The following IQCJ variants were observed in gnomAD, a reference collection of about 807,000 sequenced individuals.
IQCJ encodes the protein IQ motif containing J.
A neutral mutation model predicts 11.0 loss-of-function variants in IQCJ; 9 were observed. That is an observed-to-expected ratio of 0.82 (90% confidence interval 0.49 to 1.43). The LOEUF (loss-of-function observed/expected upper bound fraction) is 1.43, where lower values mean the gene tolerates loss of function less well. IQCJ is among the 40% of genes most tolerant of loss of function. The pLI is 0.00. For missense variants in IQCJ, 146 were observed against 133.2 expected (o/e 1.10, Z -0.47); for synonymous variants, 55 against 51.3 (o/e 1.07, Z -0.31).
chr3:159,233,246 G>C (rs1451348905), intron 1 of IQCJ, among the ~76,000 whole-genome samples: 1 of 152,090 alleles, frequency 6.6e-6, no homozygotes, highest in Non-Finnish European at 1.5e-5. Flanking sequence ...CACAGAACTT[G>C]GTATGAAGTC....
chr3:159,123,003 G>C (rs191806244), intron 1 of IQCJ, among the ~76,000 whole-genome samples: 2 of 151,956 alleles, frequency 1.3e-5, no homozygotes, highest in African/African-American at 4.8e-5. Flanking sequence ...CATTTATCTC[G>C]GTCAGTCTTA....
intron 1 of IQCJ, among the ~76,000 whole-genome samples, chr3:159,081,714 G>A (rs374606144): frequency 2.3e-4 from 35 of 151,926 alleles, no homozygotes; most frequent in Middle Eastern, 6.8e-3. Context: ...CAGTCCTTCC[G>A]AATACGACTT....
intron 1 of IQCJ, among the ~76,000 whole-genome samples, chr3:159,198,831 A>G (rs1214081543): frequency 6.6e-6 from 1 of 152,188 alleles, no homozygotes; most frequent in East Asian, 1.9e-4. Flanking sequence ...ATTTAAGTAA[A>G]AAAAGAGAGA....
chr3:159,121,759 A>G (rs1212340204), intron 1 of IQCJ, among the ~76,000 whole-genome samples: 1 of 152,156 alleles, frequency 6.6e-6, no homozygotes, highest in Non-Finnish European at 1.5e-5. Flanking sequence ...TCAGTCTTGT[A>G]TTGGTTACCA....
At chr3:159,213,261 C>T (rs1725048326) in intron 1 of IQCJ, among the ~76,000 whole-genome samples, 1 of 152,198 alleles carries the variant, frequency 6.6e-6, no homozygotes, top group African/African-American at 2.4e-5. Flanking sequence ...ATTCATGAAG[C>T]TAATCAGAAA....
intron 1 of IQCJ, among the ~76,000 whole-genome samples, chr3:159,194,469 A>G (rs1723865830): frequency 6.6e-6 from 1 of 152,142 alleles, no homozygotes; most frequent in Non-Finnish European, 1.5e-5. Context: ...GGAGCCCAAC[A>G]CTGTTGTTCT....
At chr3:159,112,392 T>C (rs528026610) in intron 1 of IQCJ, among the ~76,000 whole-genome samples, 1 of 152,328 alleles carries the variant, frequency 6.6e-6, no homozygotes, top group South Asian at 2.1e-4. Context: ...CAATCAGTTT[T>C]CTTGAAACAC....
At chr3:159,223,052 A>G (rs1488524010) in intron 1 of IQCJ, among the ~76,000 whole-genome samples, 1 of 152,152 alleles carries the variant, frequency 6.6e-6, no homozygotes, top group East Asian at 1.9e-4. Context: ...ACTCAAGGAA[A>G]AAACATGTTT....
chr3:159,263,421 T>G lies in IQCJ; in HGVS notation c.*690T>G. 4.1e-6 allele frequency: 4 copies of G among 982,326 alleles called. No homozygotes were observed. Among genetic ancestry groups the G allele is most frequent in the Non-Finnish European group, 4.8e-6 (4 of 827,156 alleles). 60.9% of individuals were successfully genotyped at this position (982,326 alleles called of 1,614,324 possible). ...AAATCTGAGATAGAGAGTTAAGGAA[T>G]AAGGGAATCTGCTGGAAGTCTTTAT... On this transcript the variant is annotated 3_prime_UTR_variant, in exon 4 of 4. Coordinates refer to ENST00000397832, the MANE Select transcript of IQCJ (RefSeq NM_001042706.3).
At chr3:159,089,415 G>A (rs1317747977) in intron 1 of IQCJ, among the ~76,000 whole-genome samples, 2 of 151,942 alleles carry the variant, frequency 1.3e-5, no homozygotes, top group African/African-American at 2.4e-5. Flanking sequence ...TGCTCTTCTC[G>A]AGGAGTATCT....
intron 1 of IQCJ, among the ~76,000 whole-genome samples, chr3:159,157,624 T>C (rs1407626520): frequency 6.6e-6 from 1 of 152,192 alleles, no homozygotes; most frequent in East Asian, 1.9e-4. Context: ...GATACAGATA[T>C]AGGAATGTGT....
At chr3:159,163,085 A>C (rs575695088) in intron 1 of IQCJ, among the ~76,000 whole-genome samples, 9 of 152,350 alleles carry the variant, frequency 5.9e-5, no homozygotes, top group Admixed American at 2.0e-4. Context: ...AGGCCAGCAT[A>C]ATTCTGATAC....
chr3:159,131,312 C>A (rs534035272), intron 1 of IQCJ, among the ~76,000 whole-genome samples: 18 of 151,964 alleles, frequency 1.2e-4, no homozygotes, highest in Middle Eastern at 3.4e-3. Flanking sequence ...CCCCGCCTCA[C>A]CCCCACCCAA....
At chr3:159,071,523 A>T (rs1453112333) in intron 1 of IQCJ, among the ~76,000 whole-genome samples, 3 of 152,102 alleles carry the variant, frequency 2.0e-5, no homozygotes, top group African/African-American at 7.2e-5. Flanking sequence ...CATATATAGA[A>T]ATATTAATCT....
intron 1 of IQCJ, among the ~76,000 whole-genome samples, chr3:159,243,112 A>G (rs1331299945): frequency 1.3e-5 from 2 of 152,218 alleles, no homozygotes; most frequent in Non-Finnish European, 2.9e-5. Context: ...GTGGGAATGT[A>G]CAGCAGCTAG....
intron 1 of IQCJ, among the ~76,000 whole-genome samples, chr3:159,087,792 A>C (rs1183344547): frequency 1.3e-5 from 2 of 151,476 alleles, no homozygotes; most frequent in Non-Finnish European, 2.9e-5. Flanking sequence ...TATTGCATCT[A>C]TTTGAGTCTT....
At chr3:159,235,606 G>A (rs1399360248) in intron 1 of IQCJ, among the ~76,000 whole-genome samples, 1 of 152,138 alleles carries the variant, frequency 6.6e-6, no homozygotes, top group South Asian at 2.1e-4. Context: ...CTAGCTGTAA[G>A]TGTACCCTTC....
At chr3:159,148,760 A>G (rs886327295) in intron 1 of IQCJ, among the ~76,000 whole-genome samples, 2 of 152,218 alleles carry the variant, frequency 1.3e-5, no homozygotes, top group Non-Finnish European at 2.9e-5. Context: ...TTGACAGCCA[A>G]ATGTGATTGT....
chr3:159,122,476 A>AT (rs1325947013), intron 1 of IQCJ, among the ~76,000 whole-genome samples: 1 of 151,926 alleles, frequency 6.6e-6, no homozygotes, highest in Non-Finnish European at 1.5e-5. Flanking sequence ...TCCCTCGCAC[A>AT]TTTTTTTTCT....
Sources: allele counts gnomAD v4.1 joint callset (sites outside exome capture counted in the v4.1 genomes callset), GRCh38; gene constraint gnomAD v4.1.1; transcripts MANE v1.5; gene names NCBI Gene and HGNC (gene_info 2026-07-23, HGNC 2026-07-21).